The following CSGALNACT1 variants were observed in gnomAD, a reference collection of about 807,000 sequenced individuals.
The protein encoded by CSGALNACT1 is chondroitin sulfate N-acetylgalactosaminyltransferase 1.
Under a neutral mutation model 51.0 loss-of-function variants are expected in CSGALNACT1, and 52 were observed. The observed-to-expected ratio is 1.02, with a 90% CI of 0.82 to 1.29. CSGALNACT1 has a LOEUF of 1.29. Ranked by LOEUF, CSGALNACT1 falls within the 50% of genes most tolerant of loss-of-function variation. CSGALNACT1 has a pLI of 0.00. For synonymous variants in CSGALNACT1, 341 were observed against 254.4 expected, an observed-to-expected ratio of 1.34 and a Z score of -3.24; for missense variants, 935 against 679.2, an observed-to-expected ratio of 1.38 and a Z score of -4.19.
chr8:19,710,303 G>T (rs2062425609), intron 1 of CSGALNACT1, among the ~76,000 whole-genome samples: 1 of 152,208 alleles, frequency 6.6e-6, no homozygotes, highest in African/African-American at 2.4e-5. Context: ...CTAATTACCA[G>T]CTGAGAGTCA....
At chr8:19,416,610 TCCTGTG>T (rs963387427) in intron 8 of CSGALNACT1, among the ~76,000 whole-genome samples, 1 of 152,196 alleles carries the variant, frequency 6.6e-6, no homozygotes, top group African/African-American at 2.4e-5. Flanking sequence ...ACCATATTTT[TCCTGTG>T]CCATTTCTAT....
chr8:19,567,486 C>G (rs897450066), intron 3 of CSGALNACT1, among the ~76,000 whole-genome samples: 1 of 152,148 alleles, frequency 6.6e-6, no homozygotes, highest in Non-Finnish European at 1.5e-5. Context: ...CTTCCTTAAT[C>G]TGATGAAGGG....
intron 1 of CSGALNACT1, among the ~76,000 whole-genome samples, chr8:19,747,308 C>A (rs760215380): frequency 6.6e-6 from 1 of 151,812 alleles, no homozygotes; most frequent in Non-Finnish European, 1.5e-5. Context: ...GAACACCAAA[C>A]GTGAAGATAC....
chr8:19,424,277 CTG>C (rs2058435046), intron 6 of CSGALNACT1, among the ~76,000 whole-genome samples: 1 of 152,156 alleles, frequency 6.6e-6, no homozygotes, highest in Non-Finnish European at 1.5e-5. Flanking sequence ...TGTCATCCAT[CTG>C]TGTTTCCCAG....
chr8:19,703,519 G>A (rs1393860742), intron 1 of CSGALNACT1, among the ~76,000 whole-genome samples: 1 of 152,080 alleles, frequency 6.6e-6, no homozygotes, highest in East Asian at 1.9e-4. Flanking sequence ...TAGCCAGGAT[G>A]GTCTTGATCT....
intron 1 of CSGALNACT1, among the ~76,000 whole-genome samples, chr8:19,718,534 T>C (rs1355066925): frequency 6.6e-6 from 1 of 152,236 alleles, no homozygotes; most frequent in Admixed American, 6.5e-5. Flanking sequence ...AAACACATTC[T>C]CTTTTCTTTT....
In CSGALNACT1 at chr8:19,513,401, A is replaced by ATT. The variant is rs2078819894; in HGVS notation, c.-296-7273_-296-7272dup. ...ACACCCAGTACATTCTGTTCATAGA[A>ATT]TTTTCTCTCTCTCACTCTCTCTCTC... On this transcript the variant is annotated intron_variant, in intron 3 of 9. Coordinates refer to ENST00000454498, the Ensembl canonical transcript of CSGALNACT1. 6.9e-5 allele frequency among the ~76,000 whole-genome samples: 4 copies of ATT among 57,778 alleles called. No homozygotes were observed. The East Asian group carries it at 2.0e-3, about 29-fold the overall frequency. The allele number at this position is 57,778 out of a possible 152,430, so 37.9% of individuals were successfully genotyped here. A position where few individuals can be genotyped will look rare whatever the true frequency, so the allele number is the denominator to read the frequency against.
At chr8:19,662,332 G>C (rs561008978) in intron 1 of CSGALNACT1, among the ~76,000 whole-genome samples, 56 of 150,818 alleles carry the variant, frequency 3.7e-4, no homozygotes, top group African/African-American at 1.3e-3. Context: ...AGTGAGCCGA[G>C]ATCACACCAC....
intron 1 of CSGALNACT1, among the ~76,000 whole-genome samples, chr8:19,676,790 G>T (rs77271010): frequency 0.031 from 4,666 of 152,274 alleles, 261 homozygotes; most frequent in African/African-American, 0.11. Context: ...ACCCAGACAG[G>T]ATTGGAAGGA....
chr8:19,659,159 A>G (rs372499703), intron 1 of CSGALNACT1, among the ~76,000 whole-genome samples: 1 of 152,182 alleles, frequency 6.6e-6, no homozygotes, highest in Admixed American at 6.5e-5. Context: ...AGAGGGATAC[A>G]TGTATTTTGG....
intron 1 of CSGALNACT1, among the ~76,000 whole-genome samples, chr8:19,657,239 T>TGATAAACTGAAA (rs11204059): frequency 0.55 from 47,606 of 86,202 alleles, 17,508 homozygotes; most frequent in Middle Eastern, 0.67. Context: ...AACTGAAAGA[T>TGATAAACTGAAA]GATAAACTGA....
intron 3 of CSGALNACT1, among the ~76,000 whole-genome samples, chr8:19,520,293 T>TA (rs945516414): frequency 1.4e-4 from 21 of 152,258 alleles, no homozygotes; most frequent in Non-Finnish European, 2.5e-4. Context: ...AAAAATGGAA[T>TA]AAAAAATGTA....
At chr8:19,551,758 T>G (rs937810215) in intron 3 of CSGALNACT1, among the ~76,000 whole-genome samples, 6 of 152,198 alleles carry the variant, frequency 3.9e-5, no homozygotes, top group African/African-American at 1.4e-4. Flanking sequence ...TCCCAAAAAT[T>G]TGTTGACATT....
chr8:19,476,591 A>G (rs191873597), intron 4 of CSGALNACT1, among the ~76,000 whole-genome samples: 97 of 152,160 alleles, frequency 6.4e-4, no homozygotes, highest in African/African-American at 2.2e-3. Context: ...TTCTTTGGCA[A>G]TGTCCCCTCC....
At chr8:19,722,146 T>C (rs1371344762) in intron 1 of CSGALNACT1, among the ~76,000 whole-genome samples, 1 of 152,178 alleles carries the variant, frequency 6.6e-6, no homozygotes, top group African/African-American at 2.4e-5. Context: ...TATCTTTTTT[T>C]CCTAATTAGA....
At chr8:19,565,689 TG>T (rs1485598270) in intron 3 of CSGALNACT1, among the ~76,000 whole-genome samples, 6 of 152,036 alleles carry the variant, frequency 3.9e-5, no homozygotes, top group African/African-American at 1.4e-4. Flanking sequence ...GAGGCCAAGG[TG>T]GGTGGATCAT....
At chr8:19,742,093 G>T (rs753050498) in intron 1 of CSGALNACT1, among the ~76,000 whole-genome samples, 3 of 152,130 alleles carry the variant, frequency 2.0e-5, no homozygotes, top group Non-Finnish European at 4.4e-5. Flanking sequence ...CATACACTAG[G>T]CAAAATATAA....
chr8:19,555,424 T>C (rs1157554978), intron 3 of CSGALNACT1, among the ~76,000 whole-genome samples: 3 of 152,130 alleles, frequency 2.0e-5, no homozygotes, highest in East Asian at 3.9e-4. Context: ...AACTATCAGA[T>C]GCAGTAAGAG....
intron 4 of CSGALNACT1, among the ~76,000 whole-genome samples, chr8:19,499,986 T>G (rs1347114998): frequency 5.9e-5 from 9 of 152,208 alleles, no homozygotes; most frequent in Admixed American, 5.9e-4. Flanking sequence ...CCTCAAGCCA[T>G]GTATTTGCTT....
Sources: allele counts gnomAD v4.1 joint callset (sites outside exome capture counted in the v4.1 genomes callset), GRCh38; gene constraint gnomAD v4.1.1; transcripts MANE v1.5; gene names NCBI Gene and HGNC (gene_info 2026-07-23, HGNC 2026-07-21).